F5: variants seen among roughly 807,000 people sequenced by gnomAD.
F5 encodes the protein activated protein c cofactor.
In F5, 138 loss-of-function variants were observed where a neutral mutation model predicts 216.4. The ratio of observed to expected loss-of-function variants is 0.64; its 90% CI spans 0.56 to 0.73. The LOEUF (loss-of-function observed/expected upper bound fraction) is 0.73, where lower values mean the gene tolerates loss of function less well. Among genes scored for constraint, F5 ranks in the 30% least tolerant of loss-of-function variants. The pLI is 0.00. For synonymous variants in F5, 916 were observed against 930.7 expected, an observed-to-expected ratio of 0.98 and a Z score of 0.29; for missense variants, 2,403 against 2,674.0, an observed-to-expected ratio of 0.90 and a Z score of 2.24.
chr1:169,584,534 C>T (rs893431904), intron 1 of F5, among the ~76,000 whole-genome samples: 1 of 152,052 alleles, frequency 6.6e-6, no homozygotes, highest in Non-Finnish European at 1.5e-5. Flanking sequence ...TACATTTTAC[C>T]TTTAAAAGGC....
intron 23 of F5, 72 bp downstream of exon 23, chr1:169,518,340 T>A (rs1659206986): frequency 1.3e-6 from 2 of 1,534,212 alleles, no homozygotes; most frequent in East Asian, 2.3e-5. Context: ...AGATCCTCCA[T>A]GTTTGTGGTA....
intron 11 of F5, among the ~76,000 whole-genome samples, chr1:169,545,188 A>C (rs557680352): frequency 1.3e-5 from 2 of 152,338 alleles, no homozygotes; most frequent in South Asian, 4.1e-4. Flanking sequence ...TACTTAAATC[A>C]CTTAAGTGAC....
At chr1:169,550,839 G>T in intron 8 of F5, 100 bp from the exon 9 acceptor site, 1 of 844,612 alleles carries the variant, frequency 1.2e-6, no homozygotes, top group Non-Finnish European at 2.0e-6. Context: ...TGGTGTGTGT[G>T]TATACATGTG....
intron 24 of F5, 51 bp from the exon 25 acceptor site, chr1:169,514,510 TTTTTTG>T (rs1175292444): frequency 1.3e-6 from 2 of 1,563,958 alleles, no homozygotes; most frequent in Non-Finnish European, 1.8e-6. Flanking sequence ...ATGGCTAAGG[TTTTTTG>T]TTTTTGTTTT....
At chr1:169,525,146 T>C (rs2301516) in intron 18 of F5, among the ~76,000 whole-genome samples, 8,181 of 152,192 alleles carry the variant, frequency 0.054, 347 homozygotes, top group Admixed American at 0.1. Context: ...AATGTAATCA[T>C]TTTTTAAACT....
In F5 at chr1:169,514,349, T is replaced by C; in HGVS notation, c.6639A>G (p.Ala2213=). 2 of 1,613,380 alleles carry C rather than the reference T, an allele frequency of 1.2e-6. No homozygotes were observed. The highest frequency in any genetic ancestry group is 2.2e-5 in the East Asian group (1 of 44,844). The change falls in exon 25 of 25, where the codon GCA becomes GCG. Residue 2213 remains alanine, a synonymous_variant. Transcript: ENST00000367797. ...VIPKTWNQSI[A]LRLELFGCDI... The stretch of plus-strand genomic sequence containing the variant: ...CACAGCCAAAGAGTTCCAGGCGAAG[T>C]GCAATACTTTGATTCCATGTTTTAG...
intron 14 of F5, 127 bp downstream of exon 14, chr1:169,536,378 AT>A: frequency 1.3e-6 from 1 of 777,426 alleles, no homozygotes; most frequent in Non-Finnish European, 2.2e-6. Context: ...TTGAAAAGAA[AT>A]GTAATTATTC....
Position 169,512,315 on chromosome 1 carries a change from C to A in F5, c.*1998G>T, listed in dbSNP as rs998999347. On this transcript the variant is annotated 3_prime_UTR_variant, in exon 25 of 25. Coordinates refer to ENST00000367797, the MANE Select transcript of F5 (RefSeq NM_000130.5). ...ATGCTCCATTCCCATCTCTTCCCTA[C>A]CCCCCATTATTTCATAAGATTTTCT... 6.6e-6 allele frequency among the ~76,000 whole-genome samples: 1 copy of A among 151,908 alleles called. No individual in the cohort carries two copies. Among genetic ancestry groups the A allele is most frequent in the South Asian group, 2.1e-4 (1 of 4,828 alleles).
At chr1:169,525,463 G>A (rs1659424554) in intron 18 of F5, among the ~76,000 whole-genome samples, 1 of 152,222 alleles carries the variant, frequency 6.6e-6, no homozygotes, top group Admixed American at 6.5e-5. Context: ...CTACCTGGAT[G>A]TTGGCACAGT....
At chr1:169,538,559 A>T (rs560322156) in intron 13 of F5, among the ~76,000 whole-genome samples, 3 of 152,204 alleles carry the variant, frequency 2.0e-5, no homozygotes, top group Non-Finnish European at 4.4e-5. Context: ...TTAAAACATC[A>T]TGTTTACACC....
Position 169,514,227 on chromosome 1 carries a change from A to G in F5, c.*86T>C. 7.3e-7 allele frequency: 1 copy of G among 1,372,414 alleles called. No homozygotes were observed. The highest frequency in any genetic ancestry group is 1.0e-6 in the Non-Finnish European group (1 of 963,268). 85.0% of individuals were successfully genotyped at this position (1,372,414 alleles called of 1,614,324 possible). On this transcript the variant is annotated 3_prime_UTR_variant, in exon 25 of 25. Coordinates refer to ENST00000367797, the MANE Select transcript of F5 (RefSeq NM_000130.5). ...AGAGAAATAGTGGAAAACTGTTAAC[A>G]TTTAACACAGCGTAAAATACATTGC...
rs752237828 is a variant in F5, at chr1:169,541,117, G to A, written c.3973C>T (p.Leu1325Phe). ...ALGQMPISPD[L>F]SHTTLSLDFS... is the part of the protein sequence containing the mutation. ...TCTAGAGAAAGGGTTGTATGGCTGA[G>A]GTCTGGAGAAATGGGCATCTGACCG... The change falls in exon 13 of 25, where the codon CTC becomes TTC. Residue 1325 changes from leucine to phenylalanine, a missense_variant. By Grantham distance (22) the Leu-to-Phe change is conservative. Coordinates refer to ENST00000367797, the MANE Select transcript of F5 (RefSeq NM_000130.5). 3 of 1,557,162 alleles carry A rather than the reference G, an allele frequency of 1.9e-6. No individual in the cohort carries two copies. Among genetic ancestry groups the A allele is most frequent in the East Asian group, 2.4e-5 (1 of 41,902 alleles).
chr1:169,553,594 C>A (rs572358722), intron 7 of F5, among the ~76,000 whole-genome samples: 1 of 152,292 alleles, frequency 6.6e-6, no homozygotes, highest in Middle Eastern at 3.4e-3. Flanking sequence ...TGTTGGCGGG[C>A]CCCTGTAGTC....
intron 9 of F5, 83 bp from the exon 10 acceptor site, chr1:169,550,098 C>A: frequency 2.7e-6 from 3 of 1,100,662 alleles, no homozygotes; most frequent in Non-Finnish European, 2.8e-6. Flanking sequence ...TTCGCTGGAA[C>A]CAATTAATAT....
Position 169,563,924 on chromosome 1 carries a change from T to C in F5, c.374-3158A>G, listed in dbSNP as rs553988655. Among the ~76,000 whole-genome samples the C allele has an allele frequency of 2.6e-5, 4 of 152,290 alleles. No homozygotes were observed. The South Asian group carries it at 6.2e-4, about 24-fold the overall frequency. On this transcript the variant is annotated intron_variant, in intron 3 of 24. Coordinates refer to ENST00000367797, the MANE Select transcript of F5 (RefSeq NM_000130.5). ...CATCTCTTTCTGCTTCTTCTAATGCTTGTTTATTTTTATTAACATTGTGAA... is the reference window on the plus strand; with the variant it reads ...CATCTCTTTCTGCTTCTTCTAATGCCTGTTTATTTTTATTAACATTGTGAA...
chr1:169,549,579 T>C (rs1457548866), intron 10 of F5, among the ~76,000 whole-genome samples: 1 of 141,314 alleles, frequency 7.1e-6, no homozygotes, highest in Non-Finnish European at 1.6e-5. Context: ...CAAAATATGT[T>C]ATCACACTCT....
At chr1:169,535,147 A>C (rs1339050048) in intron 14 of F5, among the ~76,000 whole-genome samples, 1 of 152,240 alleles carries the variant, frequency 6.6e-6, no homozygotes, top group Non-Finnish European at 1.5e-5. Context: ...CCCAGATAAC[A>C]AAACTGCACA....
At position 169,518,486 on chromosome 1, in the gene F5, A is replaced by G; in HGVS notation, c.6271T>C (p.Trp2091Arg). ...QITASSFKKS[W>R]WGDYWEPFRA... ...AAGGGTTCCCAGTAATCTCCCCACC[A>G]AGATTTCTTAAACGAAGAAGCTGTG... is the stretch of plus-strand genomic sequence containing the variant. The change falls in exon 23 of 25, where the codon TGG becomes CGG. Residue 2091 changes from tryptophan (W) to arginine (R), a missense_variant. Physicochemically the swap from Trp to Arg is moderately radical, Grantham distance 101 (BLOSUM62 -3). Transcript: ENST00000367797. 1 of 1,613,788 alleles carries G rather than the reference A, an allele frequency of 6.2e-7. No homozygotes were observed. The highest frequency in any genetic ancestry group is 8.5e-7 in the Non-Finnish European group (1 of 1,179,844).
chr1:169,557,799 G>A (rs569098840), intron 5 of F5, among the ~76,000 whole-genome samples: 3 of 152,046 alleles, frequency 2.0e-5, no homozygotes, highest in East Asian at 3.9e-4. Context: ...ATCACTAGGA[G>A]GCTTTGGTGG....
Sources: allele counts gnomAD v4.1 joint callset (sites outside exome capture counted in the v4.1 genomes callset), GRCh38; gene constraint gnomAD v4.1.1; transcripts MANE v1.5; gene names NCBI Gene and HGNC (gene_info 2026-07-23, HGNC 2026-07-21).